Variants in ORC2 observed in about 807,000 individuals in gnomAD.
ORC2 encodes origin recognition complex protein 2 homolog.
ORC2 carries 37 observed loss-of-function variants against 77.7 expected under a neutral mutation model. The ratio of observed to expected loss-of-function variants is 0.48; its 90% CI spans 0.37 to 0.63. The LOEUF (loss-of-function observed/expected upper bound fraction) is 0.63, where lower values mean the gene tolerates loss of function less well. Among genes scored for constraint, ORC2 ranks in the 20% least tolerant of loss-of-function variants. ORC2 has a pLI of 0.00. For missense variants in ORC2, 557 were observed against 661.9 expected (o/e 0.84, Z 1.74); for synonymous variants, 201 against 229.5 (o/e 0.88, Z 1.12).
At position 200,952,405 on chromosome 2, in the gene ORC2, G is replaced by A. The variant is rs2041374792; in HGVS notation, c.239-2762C>T. On this transcript the variant is annotated intron_variant, in intron 4 of 17. Coordinates refer to ENST00000234296, the MANE Select transcript of ORC2 (RefSeq NM_006190.5). ...CTCCCGAGTAGCTGGGACTACAGTC[G>A]CCCGCCACCACACCCGGCTAATTTT... is the stretch of plus-strand genomic sequence containing the variant. 2.6e-5 allele frequency among the ~76,000 whole-genome samples: 4 copies of A among 151,794 alleles called. No homozygotes were observed. In the South Asian group the frequency reaches 6.2e-4, roughly 24 times the overall value.
intron 13 of ORC2, among the ~76,000 whole-genome samples, chr2:200,923,382 G>A (rs890290289): frequency 4.6e-5 from 7 of 151,966 alleles, no homozygotes; most frequent in Non-Finnish European, 1.0e-4. Flanking sequence ...CCGACTAGCT[G>A]GGATTACAGG....
chr2:200,924,330 G>C (rs1575157689), intron 13 of ORC2, among the ~76,000 whole-genome samples: 1 of 151,810 alleles, frequency 6.6e-6, no homozygotes, highest in Admixed American at 6.6e-5. Context: ...CTGGGTGAGA[G>C]AGCAAGACTG....
At chr2:200,950,449 C>T (rs781653378) in intron 4 of ORC2, among the ~76,000 whole-genome samples, 27 of 152,204 alleles carry the variant, frequency 1.8e-4, no homozygotes, top group Admixed American at 3.3e-4. Context: ...CTTTCTATCA[C>T]AGCAATTTCC....
intron 11 of ORC2, 112 bp from the exon 12 acceptor site, chr2:200,927,012 G>T: frequency 8.9e-7 from 1 of 1,127,074 alleles, no homozygotes; most frequent in Non-Finnish European, 1.3e-6. Flanking sequence ...GAAAGGGGTA[G>T]GCGCACTGGC....
At chr2:200,913,474 A>C (rs1381198978) in intron 16 of ORC2, 61 bp from the exon 17 acceptor site, 1 of 1,499,732 alleles carries the variant, frequency 6.7e-7, no homozygotes, top group African/African-American at 1.4e-5. Context: ...CAATATACAA[A>C]CACCCATACA....
chr2:200,941,473 G>T (rs1575172658), intron 6 of ORC2, among the ~76,000 whole-genome samples, 194 bp from the exon 7 acceptor site: 1 of 140,954 alleles, frequency 7.1e-6, no homozygotes, highest in African/African-American at 2.7e-5. Context: ...GTGATCCTGT[G>T]TCTATTCAAA....
At chr2:200,914,538 G>A (rs1490176290) in intron 15 of ORC2, among the ~76,000 whole-genome samples, 1 of 152,070 alleles carries the variant, frequency 6.6e-6, no homozygotes, top group African/African-American at 2.4e-5. Context: ...CACCCCTTTG[G>A]GAGACTGAGG....
At chr2:200,915,062 C>T (rs1263777294) in intron 15 of ORC2, among the ~76,000 whole-genome samples, 1 of 120,304 alleles carries the variant, frequency 8.3e-6, no homozygotes, top group African/African-American at 3.3e-5. Context: ...GTTGCCCAGG[C>T]TGGAGTGCAA....
At chr2:200,914,982 ACTTTTTGATTCTTCC>A (rs1210907209) in intron 15 of ORC2, among the ~76,000 whole-genome samples, 1 of 129,486 alleles carries the variant, frequency 7.7e-6, no homozygotes, top group Non-Finnish European at 1.6e-5. Flanking sequence ...TTGCTTCTTC[ACTTTTTGATTCTTCC>A]CACGTCTTTT....
intron 7 of ORC2, among the ~76,000 whole-genome samples, chr2:200,939,704 G>A (rs2041113085): frequency 6.6e-6 from 1 of 152,130 alleles, no homozygotes. Flanking sequence ...GCTTTTCTAA[G>A]ACAGTACACT....
intron 10 of ORC2, among the ~76,000 whole-genome samples, chr2:200,933,302 G>A (rs1180917537): frequency 6.9e-6 from 1 of 145,854 alleles, no homozygotes; most frequent in Non-Finnish European, 1.5e-5. Context: ...TTACCACACT[G>A]GGCAGGTTTT....
At chr2:200,930,368 G>A (rs185361458) in intron 11 of ORC2, among the ~76,000 whole-genome samples, 2 of 152,194 alleles carry the variant, frequency 1.3e-5, no homozygotes, top group Admixed American at 6.5e-5. Flanking sequence ...AAGTTGACAC[G>A]CTGGGAGAAA....
At chr2:200,947,931 C>T (rs2041279447) in intron 5 of ORC2, among the ~76,000 whole-genome samples, 1 of 151,046 alleles carries the variant, frequency 6.6e-6, no homozygotes, top group Admixed American at 6.6e-5. Context: ...TTTTTTGAGA[C>T]TGAGTCTCGC....
chr2:200,924,218 G>A (rs1019646131), intron 13 of ORC2, among the ~76,000 whole-genome samples: 2 of 152,096 alleles, frequency 1.3e-5, no homozygotes, highest in African/African-American at 2.4e-5. Context: ...CAGGTGATAT[G>A]TGCCTGTAGT....
chr2:200,948,457 C>T (rs2041291697), intron 5 of ORC2, among the ~76,000 whole-genome samples: 1 of 152,126 alleles, frequency 6.6e-6, no homozygotes, highest in Non-Finnish European at 1.5e-5. Context: ...TAGGTGGTAA[C>T]TCAAGTAAGA....
intron 8 of ORC2, among the ~76,000 whole-genome samples, chr2:200,936,302 C>G (rs1178675084): frequency 6.6e-6 from 1 of 152,200 alleles, no homozygotes; most frequent in African/African-American, 2.4e-5. Flanking sequence ...AAGGTACCTG[C>G]TTTCCCAGCC....
Position 200,911,350 on chromosome 2 carries a change from T to C in ORC2, c.1685A>G (p.Asp562Gly). ...CAAGAAATCAGTCAATGTTCCATTATCAACAGGAATTAATAAATACTCTAC... is the reference window on the plus strand; with the variant it reads ...CAAGAAATCAGTCAATGTTCCATTACCAACAGGAATTAATAAATACTCTAC... The part of the protein sequence containing the change: ...DGVEYLLIPV[D>G]NGTLTDFLEK... The change falls in exon 18 of 18, where the codon GAT becomes GGT. Residue 562 changes from aspartate (D) to glycine (G), a missense_variant. By Grantham distance (94) the Asp-to-Gly change is moderately conservative. Coordinates refer to ENST00000234296, the MANE Select transcript of ORC2 (RefSeq NM_006190.5). The C allele has an allele frequency of 2.5e-6, 4 of 1,607,520 alleles. No homozygotes were observed. The highest frequency in any genetic ancestry group is 3.4e-6 in the Non-Finnish European group (4 of 1,174,034).
chr2:200,920,956 A>T (rs757952405), intron 14 of ORC2, 37 bp downstream of exon 14: 1 of 1,421,452 alleles, frequency 7.0e-7, no homozygotes, highest in Non-Finnish European at 9.4e-7. Context: ...TGTAAGACTG[A>T]TATCTCTAGA....
At chr2:200,931,547 A>G (rs2040941377) in intron 10 of ORC2, 99 bp from the exon 11 acceptor site, 6 of 581,298 alleles carry the variant, frequency 1.0e-5, no homozygotes. Context: ...GAAGAAGCCA[A>G]TCCAATTGGA....
Sources: allele counts gnomAD v4.1 joint callset (sites outside exome capture counted in the v4.1 genomes callset), GRCh38; gene constraint gnomAD v4.1.1; transcripts MANE v1.5; gene names NCBI Gene and HGNC (gene_info 2026-07-23, HGNC 2026-07-21).